The following ATP9B variants were observed in gnomAD, a reference collection of about 807,000 sequenced individuals.
ATP9B encodes the protein probable phospholipid-transporting ATPase IIB.
A neutral mutation model predicts 146.1 loss-of-function variants in ATP9B; 110 were observed. The ratio of observed to expected loss-of-function variants is 0.75; its 90% CI spans 0.65 to 0.88. ATP9B has a LOEUF of 0.88. Among genes scored for constraint, ATP9B ranks in the 40% least tolerant of loss-of-function variants. ATP9B has a pLI of 0.00. For missense variants in ATP9B, 1,499 were observed against 1,496.4 expected, an observed-to-expected ratio of 1.00 and a Z score of -0.03; for synonymous variants, 604 against 569.7, an observed-to-expected ratio of 1.06 and a Z score of -0.86.
intron 6 of ATP9B, chr18:79,145,097 G>C (rs1192781778): frequency 6.6e-6 from 1 of 150,546 alleles, no homozygotes; most frequent in Non-Finnish European, 1.4e-5. Context: ...GGTGTGGAGA[G>C]TGACTGAAGG....
intron 1 of ATP9B, among the ~76,000 whole-genome samples, chr18:79,082,295 C>A (rs1480307168): frequency 6.6e-6 from 1 of 152,230 alleles, no homozygotes; most frequent in African/African-American, 2.4e-5. Context: ...TTCTAGTTAA[C>A]AATTCCTCTA....
chr18:79,286,724 T>C (rs1025056412), intron 13 of ATP9B, among the ~76,000 whole-genome samples: 2 of 152,158 alleles, frequency 1.3e-5, no homozygotes, highest in African/African-American at 4.8e-5. Flanking sequence ...CTTCCAGTTT[T>C]GGCCCATTCA....
At chr18:79,227,069 TG>T (rs2095742828) in intron 11 of ATP9B, among the ~76,000 whole-genome samples, 1 of 152,212 alleles carries the variant, frequency 6.6e-6, no homozygotes, top group Admixed American at 6.5e-5. Flanking sequence ...CTTTTTTTGG[TG>T]GGCTATAACC....
intron 11 of ATP9B, among the ~76,000 whole-genome samples, chr18:79,226,117 C>T (rs2095731558): frequency 6.6e-6 from 1 of 152,230 alleles, no homozygotes; most frequent in African/African-American, 2.4e-5. Flanking sequence ...ACCCAGTTCA[C>T]GACAGTGGCC....
intron 7 of ATP9B, among the ~76,000 whole-genome samples, chr18:79,175,468 G>C (rs532736731): frequency 6.6e-6 from 1 of 152,088 alleles, no homozygotes; most frequent in Non-Finnish European, 1.5e-5. Context: ...ACATACATGC[G>C]TACACAGATA....
At chr18:79,102,727 G>A (rs1599560590) in intron 2 of ATP9B, among the ~76,000 whole-genome samples, 1 of 152,056 alleles carries the variant, frequency 6.6e-6, no homozygotes, top group East Asian at 1.9e-4. Context: ...AGTTTGGGGG[G>A]GATTGACATG....
chr18:79,327,555 G>A (rs62096804), intron 15 of ATP9B, among the ~76,000 whole-genome samples: 30,326 of 82,584 alleles, frequency 0.37, 3,445 homozygotes, highest in East Asian at 0.5. Context: ...TCCGTGGTTA[G>A]CGTGCTCTCC....
At chr18:79,247,755 A>G (rs75393114) in intron 11 of ATP9B, among the ~76,000 whole-genome samples, 4,908 of 152,250 alleles carry the variant, frequency 0.032, 118 homozygotes, top group Non-Finnish European at 0.042. Context: ...TTTCTTATTT[A>G]TACAAAAAAT....
At chr18:79,238,236 A>AT (rs2095859519) in intron 11 of ATP9B, among the ~76,000 whole-genome samples, 3 of 150,078 alleles carry the variant, frequency 2.0e-5, no homozygotes, top group African/African-American at 7.4e-5. Flanking sequence ...TGGATAAGTG[A>AT]TCCTTTTTTT....
At chr18:79,201,925 G>T (rs529658898) in intron 9 of ATP9B, among the ~76,000 whole-genome samples, 1 of 152,054 alleles carries the variant, frequency 6.6e-6, no homozygotes, top group African/African-American at 2.4e-5. Context: ...GCTGGAGCAC[G>T]CCTGTAGCCT....
intron 15 of ATP9B, 21 bp downstream of exon 15, chr18:79,307,255 G>C: frequency 2.5e-6 from 4 of 1,613,750 alleles, no homozygotes; most frequent in Non-Finnish European, 3.4e-6. Context: ...GCACAAAACC[G>C]TGGGAGCTTG....
chr18:79,162,074 A>G (rs1173793961), intron 7 of ATP9B, among the ~76,000 whole-genome samples: 1 of 152,180 alleles, frequency 6.6e-6, no homozygotes, highest in East Asian at 1.9e-4. Context: ...TAACAGTTTT[A>G]ATACTATTTT....
At position 79,157,461 on chromosome 18, in the gene ATP9B, T is replaced by G. The variant is rs2094812676; in HGVS notation, c.778+2906T>G. 2.6e-5 allele frequency among the ~76,000 whole-genome samples: 4 copies of G among 151,266 alleles called. No individual in the cohort carries two copies. The South Asian group carries it at 8.4e-4, about 32-fold the overall frequency. On this transcript the variant is annotated intron_variant, in intron 7 of 29. Coordinates refer to ENST00000426216, the MANE Select transcript of ATP9B (RefSeq NM_198531.5). ...TTATAGTTTTGGTTTTGCTTTTTCT[T>G]GTGTTATTTTTGTTTTGGTGTCAGG...
intron 13 of ATP9B, among the ~76,000 whole-genome samples, chr18:79,294,181 C>G (rs545431627): frequency 6.6e-6 from 1 of 152,310 alleles, no homozygotes; most frequent in South Asian, 2.1e-4. Context: ...TTTTGGAAAA[C>G]ATCTGTTGTC....
At chr18:79,333,243 A>G (rs769901348) in intron 17 of ATP9B, among the ~76,000 whole-genome samples, 37 of 152,160 alleles carry the variant, frequency 2.4e-4, no homozygotes, top group Non-Finnish European at 4.7e-4. Context: ...CAGATGCCCA[A>G]AGTCCCAGCT....
intron 1 of ATP9B, among the ~76,000 whole-genome samples, 178 bp from the exon 2 acceptor site, chr18:79,096,298 G>C (rs1452118945): frequency 6.6e-6 from 1 of 152,152 alleles, no homozygotes; most frequent in Non-Finnish European, 1.5e-5. Flanking sequence ...TCGTTGGGCA[G>C]CTTTTTTACC....
intron 23 of ATP9B, among the ~76,000 whole-genome samples, chr18:79,346,628 T>C (rs1480358134): frequency 8.0e-6 from 1 of 124,560 alleles, no homozygotes; most frequent in African/African-American, 3.1e-5. Context: ...ACTACATGCT[T>C]GGCACACACT....
In ATP9B at chr18:79,209,959, T is replaced by C. The variant is rs927707942; in HGVS notation, c.1030+2947T>C. ...AAGTTGAGAATTCCTTTTACTCTTA[T>C]ACTTTAAAAGTCGTATCTCAGTTGA... On this transcript the variant is annotated intron_variant, in intron 10 of 29. Transcript: ENST00000426216. Among the ~76,000 whole-genome samples the C allele has an allele frequency of 3.9e-5, 6 of 152,230 alleles. No homozygotes were observed. The South Asian group carries it at 6.2e-4, about 16-fold the overall frequency.
intron 1 of ATP9B, among the ~76,000 whole-genome samples, chr18:79,074,064 T>G (rs2072309506): frequency 6.6e-6 from 1 of 152,212 alleles, no homozygotes; most frequent in Non-Finnish European, 1.5e-5. Flanking sequence ...AGCACATAGG[T>G]CCTGGGCTAC....
Sources: allele counts gnomAD v4.1 joint callset (sites outside exome capture counted in the v4.1 genomes callset), GRCh38; gene constraint gnomAD v4.1.1; transcripts MANE v1.5; gene names NCBI Gene and HGNC (gene_info 2026-07-23, HGNC 2026-07-21).